MYPN: variants seen among roughly 807,000 people sequenced by gnomAD.
MYPN encodes the protein myopalladin.
MYPN carries 63 observed loss-of-function variants against 129.4 expected under a neutral mutation model. The observed-to-expected ratio is 0.49, with a 90% CI of 0.40 to 0.60. The LOEUF (loss-of-function observed/expected upper bound fraction) is 0.60. Among genes scored for constraint, MYPN ranks in the 20% least tolerant of loss-of-function variants. MYPN has a pLI of 0.00. For missense variants in MYPN, 1,596 were observed against 1,635.4 expected (o/e 0.98, Z 0.42); for synonymous variants, 629 against 600.9 (o/e 1.05, Z -0.68).
intron 19 of MYPN, among the ~76,000 whole-genome samples, chr10:68,209,479 T>C (rs1260455168): frequency 6.6e-6 from 1 of 152,248 alleles, no homozygotes; most frequent in Admixed American, 6.5e-5. Flanking sequence ...TAGGCACTGC[T>C]CAGAGGGGCA....
intron 17 of MYPN, 127 bp from the exon 18 acceptor site, chr10:68,201,702 G>T: frequency 1.0e-6 from 1 of 999,978 alleles, no homozygotes; most frequent in East Asian, 2.6e-5. Context: ...TGGCAGGGGA[G>T]GGGTGCAGGC....
intron 12 of MYPN, among the ~76,000 whole-genome samples, chr10:68,182,469 T>TAG (rs746883010): frequency 8.9e-6 from 1 of 111,996 alleles, no homozygotes; most frequent in Non-Finnish European, 1.8e-5. Context: ...ATATAACATA[T>TAG]ATACACACAC....
intron 14 of MYPN, 50 bp downstream of exon 14, chr10:68,194,562 T>G: frequency 6.8e-5 from 109 of 1,597,386 alleles, no homozygotes; most frequent in Non-Finnish European, 8.9e-5. Context: ...AAGGAGCGGT[T>G]GATGTCATTG....
At chr10:68,167,055 A>G (rs1166997952) in intron 10 of MYPN, among the ~76,000 whole-genome samples, 1 of 152,066 alleles carries the variant, frequency 6.6e-6, no homozygotes, top group Non-Finnish European at 1.5e-5. Context: ...AAAAGATGGA[A>G]CCAAAAAGGG....
At chr10:68,095,338 A>G (rs2133938678) in intron 1 of MYPN, among the ~76,000 whole-genome samples, 1 of 143,632 alleles carries the variant, frequency 7.0e-6, no homozygotes, top group Admixed American at 6.9e-5. Flanking sequence ...TGACAGAGTC[A>G]GTCCCTGTCT....
chr10:68,199,638 G>C, intron 17 of MYPN, 63 bp downstream of exon 17: 2 of 1,520,566 alleles, frequency 1.3e-6, no homozygotes, highest in Non-Finnish European at 1.8e-6. Context: ...CAAAGAGGCA[G>C]AGCCTCTGCC....
chr10:68,117,521 A>G (rs1484224800), intron 1 of MYPN, among the ~76,000 whole-genome samples: 1 of 152,118 alleles, frequency 6.6e-6, no homozygotes, highest in Non-Finnish European at 1.5e-5. Context: ...GGAACCAAAG[A>G]CCATGTAGGA....
At position 68,176,992 on chromosome 10, in the gene MYPN, T is replaced by C. The variant is rs111275460; in HGVS notation, c.2703+1531T>C. On this transcript the variant is annotated intron_variant, in intron 12 of 19. Coordinates refer to ENST00000358913, the MANE Select transcript of MYPN (RefSeq NM_032578.4). ...TTCTAAGTGTCATTGTAATTATAGC[T>C]GTATTCAGCCTATGTCTTTTACAAC... is the stretch of plus-strand genomic sequence containing the variant. Among the ~76,000 whole-genome samples the C allele has an allele frequency of 4.9e-3, 739 of 152,364 alleles. 10 individuals are homozygous for C. The highest frequency in any genetic ancestry group is 0.017 in the African/African-American group (689 of 41,588).
In MYPN at chr10:68,174,548, C is replaced by T; in HGVS notation, c.2456C>T (p.Pro819Leu). ...TGTGTGTCCCCAATTCCTGTCTCTC[C>T]TACCAGCCGGATTCAGAACCCAGTG... ...PRCVSPIPVS[P>L]TSRIQNPVAF... The change falls in exon 11 of 20, where the codon CCT becomes CTT. Residue 819 changes from proline (P) to leucine (L), a missense_variant. Pro to Leu is a moderately conservative substitution (Grantham distance 98, BLOSUM62 -3). Transcript: ENST00000358913. 6.2e-7 allele frequency: 1 copy of T among 1,614,142 alleles called. No individual in the cohort carries two copies. Among genetic ancestry groups the T allele is most frequent in the Non-Finnish European group, 8.5e-7 (1 of 1,179,986 alleles).
At chr10:68,135,555 C>T (rs1005669936) in intron 2 of MYPN, 1 of 857,108 alleles carries the variant, frequency 1.2e-6, no homozygotes, top group Non-Finnish European at 1.4e-6. Context: ...GTTTTAGGCC[C>T]CACATTCTTC....
At chr10:68,126,558 G>A (rs773145559) in intron 2 of MYPN, among the ~76,000 whole-genome samples, 6 of 152,148 alleles carry the variant, frequency 3.9e-5, no homozygotes, top group African/African-American at 9.7e-5. Context: ...GGTCGGACTC[G>A]GGTAGGTGTG....
At chr10:68,175,836 C>A (rs562486712) in intron 12 of MYPN, among the ~76,000 whole-genome samples, 1 of 152,284 alleles carries the variant, frequency 6.6e-6, no homozygotes, top group South Asian at 2.1e-4. Flanking sequence ...TTCACTGCAA[C>A]CTTGACCTCC....
intron 10 of MYPN, among the ~76,000 whole-genome samples, chr10:68,168,529 A>G (rs1353951086): frequency 6.6e-6 from 1 of 152,222 alleles, no homozygotes; most frequent in Non-Finnish European, 1.5e-5. Context: ...CAAGGCAGTC[A>G]GGTTGCGGTT....
intron 2 of MYPN, among the ~76,000 whole-genome samples, chr10:68,122,930 AT>A (rs2042268657): frequency 6.6e-6 from 1 of 152,068 alleles, no homozygotes; most frequent in South Asian, 2.1e-4. Flanking sequence ...ATAAAATAAA[AT>A]AAAACATTAT....
intron 8 of MYPN, 94 bp downstream of exon 8, chr10:68,161,846 G>GA (rs1195156368): frequency 9.7e-7 from 1 of 1,035,500 alleles, no homozygotes; most frequent in African/African-American, 1.6e-5. Flanking sequence ...AATAAAAAGT[G>GA]AAAAATAAAG....
rs1297861595 is a variant in MYPN, at chr10:68,121,571, G to A, written c.133G>A (p.Gly45Ser). Residue 45 changes from glycine to serine, a missense_variant, in exon 2 of 20, where the codon GGC becomes AGC. By Grantham distance (56) the Gly-to-Ser change is moderately conservative. Coordinates refer to ENST00000358913, the MANE Select transcript of MYPN (RefSeq NM_032578.4). ...AEPSSNPCHF[G>S]SPSGAAEGGG... ...GCCCTCCTCCAACCCTTGCCATTTCGGCAGTCCTTCTGGGGCCGCTGAAGG... is the reference window on the plus strand; with the variant it reads ...GCCCTCCTCCAACCCTTGCCATTTCAGCAGTCCTTCTGGGGCCGCTGAAGG... The A allele has an allele frequency of 9.9e-6, 16 of 1,614,154 alleles. No homozygotes were observed. The highest frequency in any genetic ancestry group is 1.3e-5 in the African/African-American group (1 of 75,042).
At chr10:68,182,323 CATATATATAACACACACATATATAACAT>C (rs1564686715) in intron 12 of MYPN, among the ~76,000 whole-genome samples, 1 of 63,828 alleles carries the variant, frequency 1.6e-5, no homozygotes, top group African/African-American at 4.4e-5. Context: ...ATATATATAA[CATATATATAACACACACATATATAACAT>C]ATATATAACA....
intron 16 of MYPN, 132 bp downstream of exon 16, chr10:68,197,610 C>T: frequency 8.9e-7 from 1 of 1,118,722 alleles, no homozygotes; most frequent in Non-Finnish European, 1.3e-6. Flanking sequence ...AGACAGATCA[C>T]TTTTTTTCAT....
chr10:68,092,166 A>C (rs2133934966), intron 1 of MYPN, among the ~76,000 whole-genome samples: 1 of 152,272 alleles, frequency 6.6e-6, no homozygotes, highest in Non-Finnish European at 1.5e-5. Flanking sequence ...TGGTGAAAAA[A>C]ATTTTACATA....
Sources: allele counts gnomAD v4.1 joint callset (sites outside exome capture counted in the v4.1 genomes callset), GRCh38; gene constraint gnomAD v4.1.1; transcripts MANE v1.5; gene names NCBI Gene and HGNC (gene_info 2026-07-23, HGNC 2026-07-21).